FOXN3: variants seen among roughly 807,000 people sequenced by gnomAD.
The protein encoded by FOXN3 is forkhead box N3.
In FOXN3, 7 loss-of-function variants were observed where a neutral mutation model predicts 38.4. That is an observed-to-expected ratio of 0.18 (90% CI 0.10 to 0.34). FOXN3 has a LOEUF of 0.34. Among genes scored for constraint, FOXN3 ranks in the 10% least tolerant of loss-of-function variants. The pLI, the probability that FOXN3 is intolerant of heterozygous loss-of-function variation, is 1.00. For synonymous variants in FOXN3, 230 were observed against 242.2 expected (o/e 0.95, Z 0.47); for missense variants, 456 against 613.4 (o/e 0.74, Z 2.71).
intron 2 of FOXN3, chr14:89,356,648 G>A (rs940818237): frequency 6.6e-6 from 1 of 152,144 alleles, no homozygotes; most frequent in African/African-American, 2.4e-5. Context: ...ATTTTGGAGG[G>A]TGCTTCTAAC....
intron 1 of FOXN3, among the ~76,000 whole-genome samples, chr14:89,586,447 T>C (rs1315556635): frequency 1.3e-5 from 2 of 152,164 alleles, no homozygotes; most frequent in Non-Finnish European, 1.5e-5. Flanking sequence ...CAGAAGCTGA[T>C]GCGGTCTCCT....
intron 3 of FOXN3, among the ~76,000 whole-genome samples, chr14:89,305,113 G>A (rs952944392): frequency 1.3e-5 from 2 of 152,136 alleles, no homozygotes; most frequent in Admixed American, 6.5e-5. Context: ...TGGAGGGGAC[G>A]AGAGGAAGGC....
intron 1 of FOXN3, among the ~76,000 whole-genome samples, chr14:89,596,902 G>A (rs749447693): frequency 1.7e-4 from 25 of 151,256 alleles, no homozygotes; most frequent in Non-Finnish European, 3.1e-4. Context: ...TTCTTGATTA[G>A]TCTCACCAGG....
intron 4 of FOXN3, among the ~76,000 whole-genome samples, chr14:89,219,479 A>G (rs1383882561): frequency 6.6e-6 from 1 of 152,198 alleles, no homozygotes; most frequent in African/African-American, 2.4e-5. Context: ...TTGTGTTTGC[A>G]CATGTGTTCC....
chr14:89,402,673 C>G (rs1891282738), intron 2 of FOXN3, among the ~76,000 whole-genome samples: 1 of 152,194 alleles, frequency 6.6e-6, no homozygotes, highest in Non-Finnish European at 1.5e-5. Context: ...CCTGCACTCC[C>G]CTTCTTGCTT....
At chr14:89,320,628 C>G (rs1887869058) in intron 3 of FOXN3, among the ~76,000 whole-genome samples, 1 of 152,218 alleles carries the variant, frequency 6.6e-6, no homozygotes, top group African/African-American at 2.4e-5. Flanking sequence ...TCATGGGTCT[C>G]CTCATCACAC....
chr14:89,224,235 A>T (rs57246069), intron 4 of FOXN3, among the ~76,000 whole-genome samples: 29,100 of 152,190 alleles, frequency 0.19, 2,824 homozygotes, highest in East Asian at 0.33. Flanking sequence ...TATAAATTTA[A>T]TAAGTTCGAT....
At chr14:89,582,055 G>A (rs1895751059) in intron 1 of FOXN3, among the ~76,000 whole-genome samples, 1 of 152,176 alleles carries the variant, frequency 6.6e-6, no homozygotes, top group Non-Finnish European at 1.5e-5. Flanking sequence ...GTCTTCTGCA[G>A]CAGTGAGAAT....
At chr14:89,286,709 C>A (rs189025682) in intron 3 of FOXN3, among the ~76,000 whole-genome samples, 2 of 152,188 alleles carry the variant, frequency 1.3e-5, no homozygotes, top group African/African-American at 2.4e-5. Flanking sequence ...ATGTGACCTA[C>A]GCCACAATGT....
At chr14:89,230,932 A>C (rs1884788296) in intron 4 of FOXN3, 1 of 454,052 alleles carries the variant, frequency 2.2e-6, no homozygotes, top group South Asian at 1.6e-5. Flanking sequence ...GCCTCGCAGC[A>C]ACCCTGTGAT....
intron 1 of FOXN3, among the ~76,000 whole-genome samples, chr14:89,510,031 C>T (rs1352427068): frequency 6.6e-6 from 1 of 152,200 alleles, no homozygotes; most frequent in African/African-American, 2.4e-5. Flanking sequence ...ATTCCCCCTT[C>T]CTCCCCATAG....
At chr14:89,202,761 C>T (rs1473452495) in intron 4 of FOXN3, among the ~76,000 whole-genome samples, 3 of 152,310 alleles carry the variant, frequency 2.0e-5, no homozygotes, top group Admixed American at 1.3e-4. Context: ...CTCCGCATTT[C>T]GCATGAGTGG....
intron 3 of FOXN3, among the ~76,000 whole-genome samples, chr14:89,347,543 G>A (rs1266601035): frequency 6.6e-6 from 1 of 152,160 alleles, no homozygotes; most frequent in African/African-American, 2.4e-5. Flanking sequence ...AAGTCACTTG[G>A]TTTGAAGTAC....
chr14:89,311,053 C>T (rs1420707760), intron 3 of FOXN3, among the ~76,000 whole-genome samples: 1 of 147,326 alleles, frequency 6.8e-6, no homozygotes, highest in Non-Finnish European at 1.5e-5. Flanking sequence ...TTGTGGTGAG[C>T]CAAGATCGCG....
chr14:89,415,333 T>A (rs535657335), intron 1 of FOXN3, among the ~76,000 whole-genome samples: 34 of 152,322 alleles, frequency 2.2e-4, no homozygotes, highest in Non-Finnish European at 4.4e-4. Context: ...TGTCAGTAGC[T>A]TCCCAGAGGA....
At chr14:89,237,734 A>G (rs924624550) in intron 4 of FOXN3, among the ~76,000 whole-genome samples, 10 of 152,254 alleles carry the variant, frequency 6.6e-5, no homozygotes, top group African/African-American at 4.8e-5. Flanking sequence ...GAAGTACAGT[A>G]AAGTACTAGA....
intron 4 of FOXN3, among the ~76,000 whole-genome samples, chr14:89,258,341 T>C (rs1885691189): frequency 1.3e-5 from 2 of 152,178 alleles, no homozygotes; most frequent in Non-Finnish European, 2.9e-5. Context: ...TAACCACAGA[T>C]AGAGTGCCAA....
At chr14:89,318,340 G>A (rs60602454) in intron 3 of FOXN3, among the ~76,000 whole-genome samples, 21,816 of 151,668 alleles carry the variant, frequency 0.14, 1,832 homozygotes, top group East Asian at 0.22. Context: ...TGTATTTTTA[G>A]TAGAGATGGA....
chr14:89,571,010 G>C (rs79091259), intron 1 of FOXN3, among the ~76,000 whole-genome samples: 3,728 of 152,228 alleles, frequency 0.024, 52 homozygotes, highest in Non-Finnish European at 0.031. Context: ...AAATAAGAAA[G>C]GAGCACTAAG....
Sources: allele counts gnomAD v4.1 joint callset (sites outside exome capture counted in the v4.1 genomes callset), GRCh38; gene constraint gnomAD v4.1.1; transcripts MANE v1.5; gene names NCBI Gene and HGNC (gene_info 2026-07-23, HGNC 2026-07-21).